The following PTPRD variants were observed in gnomAD, a reference collection of about 807,000 sequenced individuals.
PTPRD encodes the protein protein tyrosine phosphatase receptor type D, also known as receptor-type tyrosine-protein phosphatase delta.
A neutral mutation model predicts 214.5 loss-of-function variants in PTPRD; 34 were observed. The observed-to-expected ratio is 0.16, with a 90% confidence interval of 0.12 to 0.21. PTPRD has a LOEUF of 0.21. PTPRD is among the 10% of genes least tolerant of loss of function. The probability of loss-of-function intolerance (pLI) is 1.00; values close to 1 mark genes in which losing one functional copy is unlikely to be tolerated. For missense variants in PTPRD, 2,545 were observed against 2,398.7 expected, an observed-to-expected ratio of 1.06 and a Z score of -1.27; for synonymous variants, 1,128 against 845.7, an observed-to-expected ratio of 1.33 and a Z score of -5.79.
chr9:10,320,821 G>C (rs955125716), intron 3 of PTPRD, among the ~76,000 whole-genome samples: 9 of 151,918 alleles, frequency 5.9e-5, no homozygotes, highest in Non-Finnish European at 1.3e-4. Flanking sequence ...TCTGCCTTCT[G>C]GGCTCAAGTG....
At chr9:9,708,444 T>C (rs1182046269) in intron 7 of PTPRD, among the ~76,000 whole-genome samples, 1 of 152,096 alleles carries the variant, frequency 6.6e-6, no homozygotes, top group African/African-American at 2.4e-5. Context: ...TTGGGAGGAC[T>C]TCTGACTGGA....
At chr9:10,372,395 CT>C (rs2097644939) in intron 2 of PTPRD, among the ~76,000 whole-genome samples, 1 of 151,998 alleles carries the variant, frequency 6.6e-6, no homozygotes, top group African/African-American at 2.4e-5. Flanking sequence ...GAAGTTTTTG[CT>C]TAGATATTTT....
chr9:8,606,819 A>G (rs1214344866), intron 14 of PTPRD, among the ~76,000 whole-genome samples: 2 of 152,222 alleles, frequency 1.3e-5, no homozygotes, highest in African/African-American at 4.8e-5. Context: ...CTTTATTCAA[A>G]ATGTTCACAA....
At chr9:9,497,371 G>A (rs778535931) in intron 8 of PTPRD, among the ~76,000 whole-genome samples, 8 of 152,016 alleles carry the variant, frequency 5.3e-5, no homozygotes, top group Non-Finnish European at 1.0e-4. Flanking sequence ...TCTATATTTT[G>A]GTGCATAGAA....
intron 8 of PTPRD, among the ~76,000 whole-genome samples, chr9:9,571,954 G>A (rs1017600354): frequency 2.0e-5 from 3 of 150,900 alleles, no homozygotes; most frequent in Non-Finnish European, 4.5e-5. Flanking sequence ...AAGTTTAAAC[G>A]ATATTATGGT....
chr9:10,553,890 G>C (rs1056601950), intron 2 of PTPRD, among the ~76,000 whole-genome samples: 2 of 152,090 alleles, frequency 1.3e-5, no homozygotes, highest in Non-Finnish European at 2.9e-5. Context: ...TTAAATTACT[G>C]AGTTAAAGTA....
intron 4 of PTPRD, among the ~76,000 whole-genome samples, chr9:9,992,312 T>C (rs2154080606): frequency 6.6e-6 from 1 of 152,282 alleles, no homozygotes; most frequent in East Asian, 1.9e-4. Context: ...TAATAAAAAT[T>C]CGTGGTAAAG....
intron 3 of PTPRD, among the ~76,000 whole-genome samples, chr9:10,099,649 T>C (rs1000186669): frequency 1.3e-5 from 2 of 151,702 alleles, no homozygotes; most frequent in African/African-American, 4.8e-5. Context: ...AGCAATGAGG[T>C]AGCAACAATG....
At chr9:10,369,797 G>A (rs1382968094) in intron 2 of PTPRD, among the ~76,000 whole-genome samples, 1 of 151,896 alleles carries the variant, frequency 6.6e-6, no homozygotes, top group Non-Finnish European at 1.5e-5. Flanking sequence ...GAGCTACACA[G>A]CACATTAGAA....
chr9:8,977,665 ATT>A (rs34223430), intron 11 of PTPRD, among the ~76,000 whole-genome samples: 12,288 of 141,546 alleles, frequency 0.087, 600 homozygotes, highest in Non-Finnish European at 0.13. Context: ...AACAAGGAGA[ATT>A]TTTTTTTTTT....
chr9:10,518,517 A>G (rs1202447310), intron 2 of PTPRD, among the ~76,000 whole-genome samples: 1 of 152,016 alleles, frequency 6.6e-6, no homozygotes, highest in East Asian at 1.9e-4. Context: ...GTTAAAATTT[A>G]TGTTAAGATC....
In PTPRD at chr9:8,518,197, G is replaced by A. The variant is rs2138540544; in HGVS notation, c.1194C>T (p.Asn398=). The change falls in exon 21 of 46, where the codon AAC becomes AAT. Residue 398 remains asparagine (N), a synonymous_variant. Transcript: ENST00000381196. ...GTTCGCTGGGAGGCCCCCGCCCAAT[G>A]TTATTGACAGCAACAACCCTGAATT... The part of the protein sequence containing the change: ...DYEFRVVAVN[N]IGRGPPSEPV... 2 of 1,614,158 alleles carry A rather than the reference G, an allele frequency of 1.2e-6. No homozygotes were observed. The highest frequency in any genetic ancestry group is 1.7e-6 in the Non-Finnish European group (2 of 1,180,012).
At chr9:10,584,180 T>G (rs1383095733) in intron 2 of PTPRD, among the ~76,000 whole-genome samples, 1 of 136,860 alleles carries the variant, frequency 7.3e-6, no homozygotes, top group African/African-American at 2.9e-5. Context: ...GCATGACAAT[T>G]ACAAAAAAAA....
At chr9:10,328,527 C>A (rs2096688795) in intron 3 of PTPRD, among the ~76,000 whole-genome samples, 1 of 151,796 alleles carries the variant, frequency 6.6e-6, no homozygotes, top group African/African-American at 2.4e-5. Flanking sequence ...CTTAAACAAA[C>A]ACATGGAGAA....
rs537378310 is a variant in PTPRD, at chr9:9,781,821, C to A, written c.-367-14970G>T. Among the ~76,000 whole-genome samples the A allele has an allele frequency of 5.3e-3, 766 of 145,536 alleles. 5 individuals are homozygous for A. Among genetic ancestry groups the A allele is most frequent in the African/African-American group, 0.019 (718 of 38,620 alleles). On this transcript the variant is annotated intron_variant, in intron 5 of 45. Transcript: ENST00000381196. ...TATTTTTTTTTTTTTTAGACGGAGT[C>A]TCGCTCTGTCGCCCAGGCTGGAGTG...
chr9:9,646,469 C>G (rs1177027828), intron 7 of PTPRD, among the ~76,000 whole-genome samples: 1 of 152,052 alleles, frequency 6.6e-6, no homozygotes, highest in Non-Finnish European at 1.5e-5. Flanking sequence ...CCTGTTTCCT[C>G]TGTCTACTAT....
At chr9:9,630,167 A>T (rs1415593988) in intron 7 of PTPRD, among the ~76,000 whole-genome samples, 2 of 152,232 alleles carry the variant, frequency 1.3e-5, no homozygotes, top group Non-Finnish European at 2.9e-5. Flanking sequence ...CAGGTCTTTT[A>T]CAGGACTTAC....
intron 9 of PTPRD, among the ~76,000 whole-genome samples, chr9:9,215,309 C>A (rs889846886): frequency 7.9e-5 from 12 of 152,054 alleles, no homozygotes; most frequent in Admixed American, 7.2e-4. Flanking sequence ...TACTTGTTCA[C>A]CGGGAAAGTT....
At chr9:9,068,615 A>T (rs1431463054) in intron 10 of PTPRD, among the ~76,000 whole-genome samples, 1 of 151,456 alleles carries the variant, frequency 6.6e-6, no homozygotes, top group East Asian at 2.0e-4. Context: ...TTTACAAAAA[A>T]TTTTCTTTTT....
Sources: allele counts gnomAD v4.1 joint callset (sites outside exome capture counted in the v4.1 genomes callset), GRCh38; gene constraint gnomAD v4.1.1; transcripts MANE v1.5; gene names NCBI Gene and HGNC (gene_info 2026-07-23, HGNC 2026-07-21).